POU6F2: variants seen among roughly 807,000 people sequenced by gnomAD.
POU6F2 encodes the protein POU domain, class 6, transcription factor 2.
POU6F2 carries 31 observed loss-of-function variants against 71.3 expected under a neutral mutation model. The ratio of observed to expected loss-of-function variants is 0.43; its 90% CI spans 0.33 to 0.59. The LOEUF (loss-of-function observed/expected upper bound fraction) is 0.59, where lower values mean the gene tolerates loss of function less well. Ranked by LOEUF, POU6F2 falls within the 20% of genes least tolerant of loss-of-function variation. The pLI, the probability that POU6F2 is intolerant of heterozygous loss-of-function variation, is 0.04. For synonymous variants in POU6F2, 347 were observed against 355.7 expected, an observed-to-expected ratio of 0.98 and a Z score of 0.27; for missense variants, 783 against 856.8, an observed-to-expected ratio of 0.91 and a Z score of 1.07.
At chr7:39,160,553 T>C (rs576719293) in intron 2 of POU6F2, among the ~76,000 whole-genome samples, 1 of 152,300 alleles carries the variant, frequency 6.6e-6, no homozygotes, top group East Asian at 1.9e-4. Context: ...TGCTTCTTTA[T>C]TTGTAACTGA....
At chr7:39,054,538 A>T (rs1019137337) in intron 1 of POU6F2, among the ~76,000 whole-genome samples, 1 of 152,118 alleles carries the variant, frequency 6.6e-6, no homozygotes, top group Non-Finnish European at 1.5e-5. Flanking sequence ...GAATTGAGGG[A>T]TGGAAAGTAA....
chr7:39,058,492 A>G (rs1255834935), intron 1 of POU6F2, among the ~76,000 whole-genome samples: 1 of 152,186 alleles, frequency 6.6e-6, no homozygotes, highest in Non-Finnish European at 1.5e-5. Context: ...CCAGTCACTG[A>G]TACTGCAATT....
At position 39,433,272 on chromosome 7, in the gene POU6F2, C is replaced by A; in HGVS notation, c.1309C>A (p.Pro437Thr). The A allele has an allele frequency of 6.2e-7, 1 of 1,613,980 alleles. No homozygotes were observed. The highest frequency in any genetic ancestry group is 8.5e-7 in the Non-Finnish European group (1 of 1,179,870). ...GGGCATCACGCTGTCACCCATCAAG[C>A]CCGGCCAGCAGGTAAATGTTCCAGG... ...TQGITLSPIKPGQQLHQPSQT... is the reference protein window; with the variant it reads ...TQGITLSPIKTGQQLHQPSQT... The change falls in exon 7 of 10, where the codon CCC (proline) becomes ACC (threonine). Residue 437 changes from proline to threonine, a missense_variant. Transcript: ENST00000518318.
At chr7:39,418,920 T>A (rs1214626489) in intron 6 of POU6F2, among the ~76,000 whole-genome samples, 1 of 145,948 alleles carries the variant, frequency 6.9e-6, no homozygotes, top group South Asian at 2.1e-4. Flanking sequence ...TATATATATA[T>A]GTATATATGT....
rs1406023099 is a variant in POU6F2 at position 39,356,639 on chromosome 7, A to G, written c.972+16624A>G. On this transcript the variant is annotated intron_variant, in intron 5 of 9. Transcript: ENST00000518318. ...GTTGTATGTGACGATTTCTGATTTA[A>G]CAATTATTCATGTCACAAATATGTA... is the stretch of plus-strand genomic sequence containing the variant. Among the ~76,000 whole-genome samples, 5 of 152,340 alleles carry G rather than the reference A, an allele frequency of 3.3e-5. 1 individual carries two copies. The East Asian group carries it at 5.8e-4, about 18-fold the overall frequency.
intron 1 of POU6F2, among the ~76,000 whole-genome samples, chr7:39,018,093 T>C (rs1201877998): frequency 1.3e-5 from 2 of 152,152 alleles, no homozygotes; most frequent in Non-Finnish European, 2.9e-5. Context: ...GTGTTAAATA[T>C]AGAATTTGTC....
chr7:39,060,732 G>C (rs1790639509), intron 1 of POU6F2, among the ~76,000 whole-genome samples: 1 of 152,132 alleles, frequency 6.6e-6, no homozygotes, highest in Admixed American at 6.5e-5. Flanking sequence ...CAAATAGAAT[G>C]ATGGTTCTCA....
At chr7:39,162,750 G>A (rs1350039796) in intron 2 of POU6F2, among the ~76,000 whole-genome samples, 1 of 152,112 alleles carries the variant, frequency 6.6e-6, no homozygotes, top group Non-Finnish European at 1.5e-5. Context: ...CATTATGCTG[G>A]TAAATGTCTA....
intron 5 of POU6F2, among the ~76,000 whole-genome samples, chr7:39,399,178 C>A (rs1229632521): frequency 6.6e-6 from 1 of 152,206 alleles, no homozygotes; most frequent in Non-Finnish European, 1.5e-5. Context: ...GGTCTGGATA[C>A]TGCTTCCTGG....
At chr7:39,420,214 G>A (rs765461490) in intron 6 of POU6F2, among the ~76,000 whole-genome samples, 10 of 152,216 alleles carry the variant, frequency 6.6e-5, no homozygotes, top group Non-Finnish European at 1.2e-4. Flanking sequence ...TTCTTTATAT[G>A]AGGATCTTCT....
At chr7:39,068,059 G>A (rs1405985167) in intron 1 of POU6F2, among the ~76,000 whole-genome samples, 1 of 152,076 alleles carries the variant, frequency 6.6e-6, no homozygotes, top group Non-Finnish European at 1.5e-5. Context: ...TATTTTTTGT[G>A]TGACTAATTG....
intron 2 of POU6F2, among the ~76,000 whole-genome samples, chr7:39,087,429 G>A (rs1284835458): frequency 6.6e-6 from 1 of 151,914 alleles, no homozygotes; most frequent in Non-Finnish European, 1.5e-5. Context: ...TTGAAAAGCA[G>A]CAATGCCACC....
At chr7:39,211,116 C>T (rs1045821110) in intron 4 of POU6F2, among the ~76,000 whole-genome samples, 2 of 152,088 alleles carry the variant, frequency 1.3e-5, no homozygotes, top group African/African-American at 4.8e-5. Context: ...CATGAGGGCT[C>T]CACCCTTATG....
intron 1 of POU6F2, among the ~76,000 whole-genome samples, chr7:39,020,432 G>T (rs538454638): frequency 6.6e-6 from 1 of 152,048 alleles, no homozygotes; most frequent in Non-Finnish European, 1.5e-5. Context: ...TTTATTTCCA[G>T]AATTACAGCA....
At chr7:39,141,186 G>T (rs1039282317) in intron 2 of POU6F2, among the ~76,000 whole-genome samples, 4 of 152,138 alleles carry the variant, frequency 2.6e-5, no homozygotes, top group African/African-American at 9.7e-5. Context: ...GGAAAAGAAT[G>T]AGAGCGCATA....
chr7:39,199,353 C>CT (rs1243282092), intron 2 of POU6F2, among the ~76,000 whole-genome samples: 1 of 152,154 alleles, frequency 6.6e-6, no homozygotes, highest in Non-Finnish European at 1.5e-5. Context: ...CTTAAAATGA[C>CT]TTACTTGGAA....
intron 4 of POU6F2, among the ~76,000 whole-genome samples, chr7:39,272,280 T>C (rs1784353924): frequency 6.6e-6 from 1 of 152,150 alleles, no homozygotes; most frequent in African/African-American, 2.4e-5. Flanking sequence ...TGTAGAGAGA[T>C]AGAGACTCCA....
chr7:39,315,602 A>G (rs1326393474), intron 4 of POU6F2, among the ~76,000 whole-genome samples: 1 of 152,150 alleles, frequency 6.6e-6, no homozygotes, highest in Non-Finnish European at 1.5e-5. Flanking sequence ...CATCATAGCT[A>G]CTAGAGCAGG....
intron 1 of POU6F2, among the ~76,000 whole-genome samples, chr7:38,997,554 A>G (rs1788774766): frequency 6.6e-6 from 1 of 152,202 alleles, no homozygotes; most frequent in Admixed American, 6.5e-5. Context: ...TAGGGGTATT[A>G]TAAGCCTGTG....
Sources: gnomAD v4.1 joint callset for allele counts (sites outside exome capture counted in the v4.1 genomes callset) on GRCh38, gnomAD v4.1.1 for gene constraint, MANE v1.5 for transcripts, NCBI Gene and HGNC (gene_info 2026-07-23, HGNC 2026-07-21) for gene names.